The following ARRDC2 variants were observed in gnomAD, a reference collection of about 807,000 sequenced individuals.
ARRDC2 encodes arrestin domain containing 2.
In ARRDC2, 39 loss-of-function variants were observed where a neutral mutation model predicts 38.9. The observed-to-expected ratio is 1.00, with a 90% CI of 0.78 to 1.31. The LOEUF is 1.31. Ranked by LOEUF, ARRDC2 falls within the 50% of genes most tolerant of loss-of-function variation. The pLI is 0.00. For missense variants in ARRDC2, 553 were observed against 588.4 expected (o/e 0.94, Z 0.62); for synonymous variants, 300 against 261.9 (o/e 1.15, Z -1.41).
chr19:18,009,977 A>G lies in ARRDC2; in HGVS notation c.787A>G (p.Ile263Val), dbSNP rs369752043. The change falls in exon 5 of 8, where the codon ATC (isoleucine) becomes GTC (valine). Residue 263 changes from isoleucine to valine, a missense_variant. Physicochemically the swap from Ile to Val is conservative, Grantham distance 29 (BLOSUM62 3). Around this residue, in one of 3 missense-constraint regions of ARRDC2, gnomAD observed 447 missense variants for 456.6 expected, o/e 0.98. Coordinates refer to ENST00000222250, the MANE Select transcript of ARRDC2 (RefSeq NM_015683.2). Reference sequence around the variant, plus strand: ...GCTGTGGCAGGGCCGGGCACTGCGGATCCCCCCAGTGGGTCCTTCCATCCT... The same window carrying G: ...GCTGTGGCAGGGCCGGGCACTGCGGGTCCCCCCAGTGGGTCCTTCCATCCT... ...RALWQGRALR[I>V]PPVGPSILHC... The G allele has an allele frequency of 1.0e-4, 166 of 1,602,918 alleles. No homozygotes were observed. Among genetic ancestry groups the G allele is most frequent in the Non-Finnish European group, 1.4e-4 (162 of 1,179,712 alleles).
upstream of ARRDC2, chr19:18,008,114 T>TGGGGGGG: frequency 2.8e-6 from 3 of 1,056,198 alleles, no homozygotes; most frequent in Non-Finnish European, 3.8e-6. Flanking sequence ...GAAGAGACGG[T>TGGGGGGG]GACCCCACCC....
intron 2 of ARRDC2, 57 bp downstream of exon 2, chr19:18,008,834 C>T (rs535491434): frequency 4.4e-6 from 7 of 1,597,784 alleles, no homozygotes; most frequent in South Asian, 2.2e-5. Flanking sequence ...CAGATTGGTA[C>T]CTCCAATACT....
upstream of ARRDC2, among the ~76,000 whole-genome samples, chr19:18,004,569 C>A (rs2033235730): frequency 6.9e-6 from 1 of 144,014 alleles, no homozygotes; most frequent in African/African-American, 2.6e-5. Flanking sequence ...TTTTTAAATT[C>A]TCCCAGCTAC....
chr19:18,010,082 C>T, intron 5 of ARRDC2, 43 bp downstream of exon 5: 1 of 1,605,048 alleles, frequency 6.2e-7, no homozygotes, highest in Non-Finnish European at 8.5e-7. Context: ...CCTACATTCA[C>T]CCTGTATTCC....
intron 7 of ARRDC2, among the ~76,000 whole-genome samples, chr19:18,011,040 C>A (rs1367824256): frequency 6.6e-6 from 1 of 152,112 alleles, no homozygotes; most frequent in African/African-American, 2.4e-5. Flanking sequence ...GTCTTGTCAC[C>A]CAGGCTGGAG....
At position 18,009,964 on chromosome 19, in the gene ARRDC2, C is replaced by A; in HGVS notation, c.774C>A (p.Gly258=). ...VGPGQRALWQ[G]RALRIPPVGP... is the part of the protein sequence containing the mutation. ...CCGGGCAGCGGGCGCTGTGGCAGGG[C>A]CGGGCACTGCGGATCCCCCCAGTGG... Residue 258 remains glycine (G), a synonymous_variant, in exon 5 of 8, where the codon GGC becomes GGA. Coordinates refer to ENST00000222250, the MANE Select transcript of ARRDC2 (RefSeq NM_015683.2). The A allele has an allele frequency of 6.2e-7, 1 of 1,603,800 alleles. No homozygotes were observed. Among genetic ancestry groups the A allele is most frequent in the Middle Eastern group, 1.7e-4 (1 of 5,996 alleles).
rs548843492 is a variant in ARRDC2 at position 18,010,672 on chromosome 19, C to A, written c.1113C>A (p.Gly371=). 37 of 1,613,910 alleles carry A rather than the reference C, an allele frequency of 2.3e-5. No homozygotes were observed. The African/African-American group carries it at 4.5e-4, about 20-fold the overall frequency. ...LPQDPDMSLE[G]PFFAYIQEFR... ...AGGACCCCGACATGAGCCTTGAAGG[C>A]CCGTTCTTCGCCTACATCCAAGAGT... Residue 371 remains glycine (G), a synonymous_variant, in exon 7 of 8, where the codon GGC becomes GGA. Coordinates refer to ENST00000222250, the MANE Select transcript of ARRDC2 (RefSeq NM_015683.2).
At chr19:18,012,888 G>A in intron 7 of ARRDC2, 25 bp from the exon 8 acceptor site, 3 of 1,609,842 alleles carry the variant, frequency 1.9e-6, no homozygotes, top group Non-Finnish European at 2.5e-6. Flanking sequence ...TGTTCTCTGA[G>A]GCTTAATGGG....
Position 18,009,623 on chromosome 19 carries a change from C to G in ARRDC2, c.521C>G (p.Ala174Gly). The change falls in exon 4 of 8, where the codon GCC (alanine) becomes GGC (glycine). Residue 174 changes from alanine (A) to glycine (G), a missense_variant. By Grantham distance (60) the Ala-to-Gly change is moderately conservative. Transcript: ENST00000222250. ...CAAGCGGGGGCTCGGGAAAAGGTTG[C>G]CCGATCCTGGTACTGTAACCGTGGC... ...APQAGAREKV[A>G]RSWYCNRGLV... The G allele has an allele frequency of 6.2e-7, 1 of 1,607,920 alleles. No individual in the cohort carries two copies.
chr19:18,005,062 G>A (rs534184100), upstream of ARRDC2, among the ~76,000 whole-genome samples: 1 of 152,012 alleles, frequency 6.6e-6, no homozygotes, highest in South Asian at 2.1e-4. Flanking sequence ...TTGCAGAGGG[G>A]GATTTGGCAG....
At chr19:18,010,487 C>T in intron 6 of ARRDC2, 85 bp from the exon 7 acceptor site, 1 of 1,562,024 alleles carries the variant, frequency 6.4e-7, no homozygotes, top group South Asian at 1.1e-5. Flanking sequence ...AGCCCCAGAG[C>T]TGGCACAAGC....
Position 18,008,602 on chromosome 19 carries a change from C to A in ARRDC2, c.274+18C>A. On this transcript the variant is annotated intron_variant, in intron 1 of 7. Coordinates refer to ENST00000222250, the MANE Select transcript of ARRDC2 (RefSeq NM_015683.2). ...GGCGCCAGGTACGGATGGAGGACCC[C>A]TGCTCCAACACCAGTTGTGTGCCTC... 6.3e-7 allele frequency: 1 copy of A among 1,594,702 alleles called. No homozygotes were observed. The highest frequency in any genetic ancestry group is 8.5e-7 in the Non-Finnish European group (1 of 1,177,080).
chr19:18,013,029 G>C lies in ARRDC2; in HGVS notation c.*63G>C, dbSNP rs914738461. The C allele has an allele frequency of 1.3e-5, 20 of 1,565,704 alleles. No homozygotes were observed. In the East Asian group the frequency reaches 2.7e-4, roughly 21 times the overall value. ...CAGCTTTCAGCCACCATGACTGTGG[G>C]GAGTGGCTGGACCAAGGGCTGACCT... On this transcript the variant is annotated 3_prime_UTR_variant, in exon 8 of 8. Transcript: ENST00000222250.
At chr19:18,008,634 C>G in intron 1 of ARRDC2, 50 bp downstream of exon 1, 1 of 1,600,840 alleles carries the variant, frequency 6.2e-7, no homozygotes. Context: ...CCTCCCACCA[C>G]CTGGACGGCG....
upstream of ARRDC2, among the ~76,000 whole-genome samples, chr19:18,005,166 C>G (rs2145997295): frequency 6.6e-6 from 1 of 151,978 alleles, no homozygotes; most frequent in South Asian, 2.1e-4. Context: ...TCCCTGGGTA[C>G]TTGAGATTAG....
At chr19:18,005,094 G>A (rs1225991561), upstream of ARRDC2, among the ~76,000 whole-genome samples, 3 of 152,066 alleles carry the variant, frequency 2.0e-5, no homozygotes, top group African/African-American at 7.2e-5. Context: ...AATAGTGGAG[G>A]GAAGGTCAGC....
chr19:18,004,984 C>CA (rs1165390317), upstream of ARRDC2, among the ~76,000 whole-genome samples: 172 of 134,148 alleles, frequency 1.3e-3, no homozygotes, highest in Non-Finnish European at 1.2e-3. Context: ...GATCCTGTCT[C>CA]AAAAAAAAAA....
chr19:18,011,958 T>A lies in ARRDC2; in HGVS notation c.1171-955T>A, dbSNP rs201816211. On this transcript the variant is annotated intron_variant, in intron 7 of 7. Transcript: ENST00000222250. ...TGTATATATATATATATATATTTTTTTTTTTTTTTTTTTTTTGAGATGGAG... is the reference window on the plus strand; with the variant it reads ...TGTATATATATATATATATATTTTTATTTTTTTTTTTTTTTTGAGATGGAG... 8.0e-3 allele frequency among the ~76,000 whole-genome samples: 720 copies of A among 90,554 alleles called. 3 individuals are homozygous for A. Among genetic ancestry groups the A allele is most frequent in the South Asian group, 0.045 (125 of 2,772 alleles). The allele number at this position is 90,554 out of a possible 152,430, so 59.4% of individuals were successfully genotyped here.
upstream of ARRDC2, chr19:18,008,066 C>T: frequency 8.7e-7 from 1 of 1,143,610 alleles, no homozygotes; most frequent in Non-Finnish European, 1.1e-6. Flanking sequence ...AGCCACGCCC[C>T]TTGTCGCGCT....
Sources: allele counts gnomAD v4.1 joint callset (sites outside exome capture counted in the v4.1 genomes callset), GRCh38; gene constraint gnomAD v4.1.1; regional missense constraint gnomAD v4.1.1; transcripts MANE v1.5; gene names NCBI Gene and HGNC (gene_info 2026-07-23, HGNC 2026-07-21).